The following NCEH1 variants were observed in gnomAD, a reference collection of about 807,000 sequenced individuals.
NCEH1 encodes the protein neutral cholesterol ester hydrolase 1, also known as 2-acetyl MAGE hydrolase.
Under a neutral mutation model 25.4 loss-of-function variants are expected in NCEH1, and 9 were observed. The observed-to-expected ratio is 0.35, with a 90% CI of 0.21 to 0.62. The LOEUF (loss-of-function observed/expected upper bound fraction) is 0.62. Ranked by LOEUF, NCEH1 falls within the 20% of genes least tolerant of loss-of-function variation. The pLI, the probability that NCEH1 is intolerant of heterozygous loss-of-function variation, is 0.72. For missense variants in NCEH1, 412 were observed against 501.1 expected, an observed-to-expected ratio of 0.82 and a Z score of 1.70; for synonymous variants, 200 against 199.8, an observed-to-expected ratio of 1.00 and a Z score of -0.01.
intron 3 of NCEH1, among the ~76,000 whole-genome samples, chr3:172,642,144 C>T (rs1220586720): frequency 6.6e-6 from 1 of 151,994 alleles, no homozygotes; most frequent in Non-Finnish European, 1.5e-5. Context: ...CACTGAGATC[C>T]CGCTCTGAAC....
chr3:172,688,330 C>CAAAAAA (rs11376665), intron 1 of NCEH1, among the ~76,000 whole-genome samples: 273 of 65,676 alleles, frequency 4.2e-3, no homozygotes, highest in East Asian at 6.3e-3. Flanking sequence ...AACTCCACCT[C>CAAAAAA]AAAAAAAAAA....
At chr3:172,702,594 T>A (rs1207755403) in intron 1 of NCEH1, among the ~76,000 whole-genome samples, 1 of 152,264 alleles carries the variant, frequency 6.6e-6, no homozygotes, top group Non-Finnish European at 1.5e-5. Context: ...CGTCCAGGGT[T>A]TTAATTTTAT....
At chr3:172,650,263 G>A (rs1266476035) in intron 1 of NCEH1, among the ~76,000 whole-genome samples, 1 of 152,172 alleles carries the variant, frequency 6.6e-6, no homozygotes, top group Non-Finnish European at 1.5e-5. Context: ...AGCACTTTGG[G>A]AGGCCAAGGC....
intron 1 of NCEH1, among the ~76,000 whole-genome samples, chr3:172,699,681 A>C (rs1474944139): frequency 6.6e-6 from 1 of 152,104 alleles, no homozygotes; most frequent in Non-Finnish European, 1.5e-5. Context: ...CCCTGGCAAT[A>C]TAGGGAGACC....
At chr3:172,660,353 A>G (rs1261659320) in intron 1 of NCEH1, among the ~76,000 whole-genome samples, 7 of 152,112 alleles carry the variant, frequency 4.6e-5, no homozygotes, top group African/African-American at 1.7e-4. Flanking sequence ...TATGCGCCAC[A>G]TTTTCTTAAT....
chr3:172,639,254 C>T (rs1263052915), intron 3 of NCEH1, among the ~76,000 whole-genome samples: 5 of 148,416 alleles, frequency 3.4e-5, no homozygotes, highest in East Asian at 2.0e-4. Context: ...GCCGAGATCA[C>T]GCCACTGCAC....
At chr3:172,654,986 T>G (rs945846460) in intron 1 of NCEH1, among the ~76,000 whole-genome samples, 2 of 152,206 alleles carry the variant, frequency 1.3e-5, no homozygotes, top group Non-Finnish European at 2.9e-5. Flanking sequence ...GACCTTAAAG[T>G]AGAGGTATGG....
intron 1 of NCEH1, among the ~76,000 whole-genome samples, chr3:172,694,987 T>C (rs1029780040): frequency 1.4e-5 from 2 of 147,984 alleles, no homozygotes; most frequent in Non-Finnish European, 3.0e-5. Context: ...GTGCTGTTCG[T>C]CTTGTGAATT....
At chr3:172,689,886 ATTT>A (rs1241750838) in intron 1 of NCEH1, among the ~76,000 whole-genome samples, 1 of 149,520 alleles carries the variant, frequency 6.7e-6, no homozygotes, top group African/African-American at 2.5e-5. Flanking sequence ...TTTATTTTTT[ATTT>A]TTTATTATTT....
At chr3:172,654,674 T>C (rs1717607956) in intron 1 of NCEH1, among the ~76,000 whole-genome samples, 1 of 152,230 alleles carries the variant, frequency 6.6e-6, no homozygotes, top group African/African-American at 2.4e-5. Flanking sequence ...TACACATCAA[T>C]GACTTCGCAT....
At chr3:172,650,548 C>T (rs908088380) in intron 1 of NCEH1, among the ~76,000 whole-genome samples, 1 of 151,236 alleles carries the variant, frequency 6.6e-6, no homozygotes, top group African/African-American at 2.4e-5. Context: ...ACTTGGGAGG[C>T]TGAGGCAGGA....
chr3:172,639,118 G>A (rs1716734356), intron 3 of NCEH1, among the ~76,000 whole-genome samples: 1 of 152,074 alleles, frequency 6.6e-6, no homozygotes, highest in African/African-American at 2.4e-5. Context: ...GGCCAACATG[G>A]TGAAACCCCA....
At position 172,665,964 on chromosome 3, in the gene NCEH1, T is replaced by C. The variant is rs550884998; in HGVS notation, c.139-17850A>G. On this transcript the variant is annotated intron_variant, in intron 1 of 4. Transcript: ENST00000475381. ...CGGGTGAGGCGATGCCCCACCCTGC[T>C]TTGGCTCACACTCCGTGGCTGCACC... Among the ~76,000 whole-genome samples the C allele has an allele frequency of 2.0e-5, 3 of 152,294 alleles. No homozygotes were observed. The East Asian group carries it at 5.8e-4, about 29-fold the overall frequency.
chr3:172,710,684 T>C (rs564880875), intron 1 of NCEH1, among the ~76,000 whole-genome samples, 163 bp downstream of exon 1: 9 of 152,186 alleles, frequency 5.9e-5, no homozygotes, highest in Non-Finnish European at 8.8e-5. Flanking sequence ...AGGAGGCGAA[T>C]GCGATACCCT....
chr3:172,684,419 C>T (rs1337863991), intron 1 of NCEH1, among the ~76,000 whole-genome samples: 1 of 152,102 alleles, frequency 6.6e-6, no homozygotes, highest in Non-Finnish European at 1.5e-5. Context: ...GAAAATGGCA[C>T]AAGACTGCAA....
At chr3:172,694,394 CTGTGTGTGTGTG>C (rs768064072) in intron 1 of NCEH1, among the ~76,000 whole-genome samples, 1 of 130,742 alleles carries the variant, frequency 7.6e-6, no homozygotes, top group Non-Finnish European at 1.8e-5. Flanking sequence ...GTGTGTGTGT[CTGTGTGTGTGTG>C]TGTGTGTGTA....
chr3:172,664,510 C>T (rs1273277768), intron 1 of NCEH1, among the ~76,000 whole-genome samples: 1 of 152,130 alleles, frequency 6.6e-6, no homozygotes, highest in Non-Finnish European at 1.5e-5. Context: ...TTGGCCTGCC[C>T]TGCTAGGTTG....
At chr3:172,699,682 T>C (rs985659937) in intron 1 of NCEH1, among the ~76,000 whole-genome samples, 1 of 151,974 alleles carries the variant, frequency 6.6e-6, no homozygotes, top group Non-Finnish European at 1.5e-5. Context: ...CCTGGCAATA[T>C]AGGGAGACCT....
At chr3:172,661,768 CTGTT>C (rs1361489147) in intron 1 of NCEH1, among the ~76,000 whole-genome samples, 31 of 131,140 alleles carry the variant, frequency 2.4e-4, no homozygotes, top group South Asian at 1.0e-3. Context: ...ATTTGCCTCT[CTGTT>C]TGTCTCTTAT....
Sources: gnomAD v4.1 joint callset for allele counts (sites outside exome capture counted in the v4.1 genomes callset) on GRCh38, gnomAD v4.1.1 for gene constraint, MANE v1.5 for transcripts, NCBI Gene and HGNC (gene_info 2026-07-23, HGNC 2026-07-21) for gene names.